The following CDH23 variants were observed in gnomAD, a reference collection of about 807,000 sequenced individuals.
The protein encoded by CDH23 is cadherin related 23.
In CDH23, 189 loss-of-function variants were observed where a neutral mutation model predicts 317.1. That is an observed-to-expected ratio of 0.60 (90% CI 0.53 to 0.67). CDH23 has a LOEUF of 0.67. Among genes scored for constraint, CDH23 ranks in the 30% least tolerant of loss-of-function variants. The pLI is 0.00. For synonymous variants in CDH23, 1,839 were observed against 1,876.8 expected (o/e 0.98, Z 0.52); for missense variants, 4,401 against 4,592.4 (o/e 0.96, Z 1.20).
intron 38 of CDH23, chr10:71,755,442 G>A (rs199963810): frequency 6.4e-5 from 103 of 1,612,736 alleles, no homozygotes; most frequent in Middle Eastern, 1.7e-4. Context: ...GCAGGCACCC[G>A]TAGCCAGGGC....
At chr10:71,509,121 C>T (rs2132192519) in intron 3 of CDH23, among the ~76,000 whole-genome samples, 1 of 152,336 alleles carries the variant, frequency 6.6e-6, no homozygotes, top group Non-Finnish European at 1.5e-5. Flanking sequence ...TCTCAATCCC[C>T]TTCTTGAGGA....
In CDH23 at chr10:71,814,280, T is replaced by A. The variant is rs181490129; in HGVS notation, c.9739-672T>A. On this transcript the variant is annotated intron_variant, in intron 69 of 69. Transcript: ENST00000224721. ...ATTAAAGATTCTCAGCCAGATGTGG[T>A]GGCACACGCCCATAGTCCCAGCTAC... is the stretch of plus-strand genomic sequence containing the variant. 2.6e-3 allele frequency among the ~76,000 whole-genome samples: 395 copies of A among 152,330 alleles called. 2 individuals carry two copies. The highest frequency in any genetic ancestry group is 9.0e-3 in the African/African-American group (376 of 41,576).
intron 6 of CDH23, among the ~76,000 whole-genome samples, chr10:71,535,776 A>G (rs1057046712): frequency 1.3e-5 from 2 of 152,180 alleles, no homozygotes; most frequent in African/African-American, 4.8e-5. Context: ...ACCCTGTCCC[A>G]TGTGCCCTGA....
At chr10:71,741,001 G>A (rs1482796984) in intron 37 of CDH23, 51 bp downstream of exon 37, 5 of 1,608,628 alleles carry the variant, frequency 3.1e-6, no homozygotes, top group Non-Finnish European at 4.3e-6. Context: ...GGGACCGTGG[G>A]CACGAGCCAA....
intron 38 of CDH23, among the ~76,000 whole-genome samples, chr10:71,743,922 C>G (rs1839795330): frequency 6.6e-6 from 1 of 152,168 alleles, no homozygotes; most frequent in Admixed American, 6.5e-5. Flanking sequence ...TACTATAACT[C>G]TAGGCATCAA....
At chr10:71,600,726 C>T (rs1490455878) in intron 9 of CDH23, among the ~76,000 whole-genome samples, 2 of 151,840 alleles carry the variant, frequency 1.3e-5, no homozygotes, top group Admixed American at 6.6e-5. Flanking sequence ...CCGTGTTAGC[C>T]GCAATGGTCT....
chr10:71,406,726 C>T (rs560843820), intron 1 of CDH23, among the ~76,000 whole-genome samples: 5 of 152,198 alleles, frequency 3.3e-5, no homozygotes, highest in Non-Finnish European at 5.9e-5. Context: ...GAAAACACAG[C>T]GAGGCCATTC....
chr10:71,573,828 C>T (rs1003788314), intron 8 of CDH23, among the ~76,000 whole-genome samples: 4 of 152,166 alleles, frequency 2.6e-5, no homozygotes, highest in Non-Finnish European at 2.9e-5. Flanking sequence ...CCCTGGGGCC[C>T]ACAGAATCTG....
chr10:71,625,263 C>CG (rs1861661129), intron 11 of CDH23, among the ~76,000 whole-genome samples: 1 of 150,716 alleles, frequency 6.6e-6, no homozygotes, highest in African/African-American at 2.4e-5. Flanking sequence ...GCAGAGTGAA[C>CG]GGGGACACAT....
chr10:71,734,587 A>G (rs922652073), intron 33 of CDH23, 69 bp from the exon 34 acceptor site: 1 of 1,597,936 alleles, frequency 6.3e-7, no homozygotes, highest in Non-Finnish European at 8.5e-7. Flanking sequence ...TGGAAGAGCC[A>G]CAGACGGCTA....
Position 71,706,946 on chromosome 10 carries a change from T to C in CDH23, c.3003T>C (p.Asn1001=), listed in dbSNP as rs1865812823. ...ETPTFFPAVY[N]VSVSEDVPRE... is the part of the protein sequence containing the mutation. The stretch of plus-strand genomic sequence containing the variant: ...CCACCTTCTTCCCGGCCGTGTACAA[T>C]GTGTCTGTGTCCGAGGACGTGCCAC... Residue 1001 remains asparagine (N), a synonymous_variant, in exon 26 of 70, where the codon AAT becomes AAC. Coordinates refer to ENST00000224721, the MANE Select transcript of CDH23 (RefSeq NM_022124.6). 6.2e-7 allele frequency: 1 copy of C among 1,607,570 alleles called. No homozygotes were observed. The highest frequency in any genetic ancestry group is 1.1e-5 in the South Asian group (1 of 89,542).
chr10:71,515,257 C>T (rs781680254), intron 6 of CDH23, among the ~76,000 whole-genome samples: 4 of 152,130 alleles, frequency 2.6e-5, no homozygotes, highest in Non-Finnish European at 5.9e-5. Context: ...ATCAACCTAC[C>T]TTTCCCAACT....
At chr10:71,522,920 A>G (rs1564630657) in intron 6 of CDH23, among the ~76,000 whole-genome samples, 1 of 152,096 alleles carries the variant, frequency 6.6e-6, no homozygotes, top group Non-Finnish European at 1.5e-5. Context: ...TTCATGTTAG[A>G]GCTGGGGAAA....
intron 28 of CDH23, chr10:71,717,899 T>A (rs1866354665): frequency 6.6e-6 from 1 of 152,204 alleles, no homozygotes; most frequent in Admixed American, 6.5e-5. Flanking sequence ...AAACTTGATT[T>A]CAAAATAATG....
intron 11 of CDH23, among the ~76,000 whole-genome samples, chr10:71,618,717 G>A (rs551437555): frequency 1.3e-5 from 2 of 152,194 alleles, no homozygotes; most frequent in East Asian, 3.9e-4. Flanking sequence ...GAGCCCCTCT[G>A]CCCACGTCTC....
At chr10:71,714,349 C>T (rs1866117401) in intron 28 of CDH23, 1 of 152,078 alleles carries the variant, frequency 6.6e-6, no homozygotes, top group South Asian at 2.1e-4. Flanking sequence ...CCTCATACTT[C>T]TGTGCACAGA....
At chr10:71,554,157 G>A (rs1856753040) in intron 6 of CDH23, among the ~76,000 whole-genome samples, 1 of 152,188 alleles carries the variant, frequency 6.6e-6, no homozygotes, top group South Asian at 2.1e-4. Context: ...AAGCCTCACT[G>A]TATCTCCATG....
At chr10:71,680,922 G>C (rs1201272249) in intron 17 of CDH23, among the ~76,000 whole-genome samples, 1 of 138,720 alleles carries the variant, frequency 7.2e-6, no homozygotes, top group Non-Finnish European at 1.5e-5. Flanking sequence ...TCCGCCTTGT[G>C]GGTTCATACA....
chr10:71,398,476 T>TGTGTGTGTGTGTGTGG (rs56791543), intron 1 of CDH23, among the ~76,000 whole-genome samples: 1 of 118,342 alleles, frequency 8.5e-6, no homozygotes, highest in Non-Finnish European at 1.7e-5. Flanking sequence ...TGTGTGTGTG[T>TGTGTGTGTGTGTGTGG]TGGGTGGAGT....
Sources: gnomAD v4.1 joint callset for allele counts (sites outside exome capture counted in the v4.1 genomes callset) on GRCh38, gnomAD v4.1.1 for gene constraint, MANE v1.5 for transcripts, NCBI Gene and HGNC (gene_info 2026-07-23, HGNC 2026-07-21) for gene names.